Variants in BICD1 observed in about 807,000 individuals in gnomAD.
BICD1 encodes the protein protein bicaudal D homolog 1.
BICD1 carries 35 observed loss-of-function variants against 92.5 expected under a neutral mutation model. The ratio of observed to expected loss-of-function variants is 0.38; its 90% confidence interval spans 0.29 to 0.50. The LOEUF (loss-of-function observed/expected upper bound fraction) is 0.50, where lower values mean the gene tolerates loss of function less well. BICD1 is among the 20% of genes least tolerant of loss of function. BICD1 has a pLI of 0.93. For missense variants in BICD1, 950 were observed against 1,189.8 expected, an observed-to-expected ratio of 0.80 and a Z score of 2.97; for synonymous variants, 429 against 465.1, an observed-to-expected ratio of 0.92 and a Z score of 1.00.
intron 1 of BICD1, among the ~76,000 whole-genome samples, chr12:32,178,463 G>C (rs1824449970): frequency 6.6e-6 from 1 of 151,778 alleles, no homozygotes; most frequent in African/African-American, 2.4e-5. Flanking sequence ...AGCTGAACAG[G>C]CTCGGCCCCA....
chr12:32,179,781 A>G (rs960571480), intron 1 of BICD1, among the ~76,000 whole-genome samples: 1 of 151,836 alleles, frequency 6.6e-6, no homozygotes. Flanking sequence ...ACTTGAGGTC[A>G]GGAGTTTGAG....
intron 2 of BICD1, among the ~76,000 whole-genome samples, chr12:32,246,276 G>A (rs7295546): frequency 0.21 from 27,259 of 130,036 alleles, 4,180 homozygotes; most frequent in African/African-American, 0.43. Flanking sequence ...GGGAGTTTGA[G>A]AACAGCCTGG....
chr12:32,326,384 G>A (rs1948778792), intron 4 of BICD1, among the ~76,000 whole-genome samples: 1 of 152,010 alleles, frequency 6.6e-6, no homozygotes, highest in African/African-American at 2.4e-5. Flanking sequence ...TTTCCACATT[G>A]CAATTTCTTA....
intron 8 of BICD1, chr12:32,340,553 A>G: frequency 1.1e-6 from 1 of 897,182 alleles, no homozygotes; most frequent in Non-Finnish European, 1.3e-6. Flanking sequence ...TTGCTGTTTA[A>G]TTAAAAAGAT....
At chr12:32,282,252 A>C (rs1271273936) in intron 2 of BICD1, among the ~76,000 whole-genome samples, 6 of 113,624 alleles carry the variant, frequency 5.3e-5, no homozygotes, top group Admixed American at 1.2e-4. Flanking sequence ...ACAGGGTCTC[A>C]CTCTGTTGCC....
chr12:32,186,054 G>A lies in BICD1; in HGVS notation c.214-30193G>A, dbSNP rs142476203. On this transcript the variant is annotated intron_variant, in intron 1 of 9. Coordinates refer to ENST00000652176, the MANE Select transcript of BICD1 (RefSeq NM_001714.4). Reference sequence around the variant, plus strand: ...CTTGAGCCTGTCTCTCCAAATTGCTGCATAGAGGCAATGTTTCCAGGAGAA... The same window carrying A: ...CTTGAGCCTGTCTCTCCAAATTGCTACATAGAGGCAATGTTTCCAGGAGAA... Among the ~76,000 whole-genome samples the A allele has an allele frequency of 6.0e-3, 909 of 152,334 alleles. 11 individuals are homozygous for A. Among genetic ancestry groups the A allele is most frequent in the African/African-American group, 0.021 (864 of 41,578 alleles).
At chr12:32,214,105 A>T (rs892171298) in intron 1 of BICD1, among the ~76,000 whole-genome samples, 1 of 152,178 alleles carries the variant, frequency 6.6e-6, no homozygotes, top group African/African-American at 2.4e-5. Flanking sequence ...AAAATATCTC[A>T]GATTTGGCCA....
chr12:32,202,831 G>A (rs1299854493), intron 1 of BICD1, among the ~76,000 whole-genome samples: 1 of 152,136 alleles, frequency 6.6e-6, no homozygotes, highest in East Asian at 1.9e-4. Flanking sequence ...GGCTGGTCTT[G>A]AACACCTGGG....
At chr12:32,275,105 TAC>T (rs1947241870) in intron 2 of BICD1, among the ~76,000 whole-genome samples, 1 of 152,190 alleles carries the variant, frequency 6.6e-6, no homozygotes, top group Non-Finnish European at 1.5e-5. Flanking sequence ...ATATGATATA[TAC>T]ACACACTCAT....
chr12:32,278,612 C>T (rs1224873157), intron 2 of BICD1, among the ~76,000 whole-genome samples: 1 of 152,132 alleles, frequency 6.6e-6, no homozygotes, highest in South Asian at 2.1e-4. Flanking sequence ...CCAGCACTTT[C>T]GGAGGCCGCG....
chr12:32,130,808 A>G (rs927125253), intron 1 of BICD1, among the ~76,000 whole-genome samples: 2 of 152,108 alleles, frequency 1.3e-5, no homozygotes, highest in South Asian at 2.1e-4. Flanking sequence ...CCAGGCTTCT[A>G]TATAGTTAAA....
chr12:32,222,628 T>G (rs1196251777), intron 2 of BICD1, among the ~76,000 whole-genome samples: 1 of 152,184 alleles, frequency 6.6e-6, no homozygotes, highest in Admixed American at 6.5e-5. Flanking sequence ...ATATGAAGTT[T>G]TAATACGATA....
chr12:32,202,054 A>G (rs1944919046), intron 1 of BICD1, among the ~76,000 whole-genome samples: 1 of 152,230 alleles, frequency 6.6e-6, no homozygotes, highest in Non-Finnish European at 1.5e-5. Flanking sequence ...CTGATCATAT[A>G]TAATACTTAT....
chr12:32,300,505 T>G (rs948403826), intron 3 of BICD1, among the ~76,000 whole-genome samples: 5 of 151,994 alleles, frequency 3.3e-5, no homozygotes, highest in Non-Finnish European at 5.9e-5. Flanking sequence ...TCTGCAAATA[T>G]AAGCTTATCA....
chr12:32,257,206 T>A (rs1239399), intron 2 of BICD1, among the ~76,000 whole-genome samples: 1 of 133,474 alleles, frequency 7.5e-6, no homozygotes. Context: ...AGGGAGACTC[T>A]GTCTCAAAAA....
chr12:32,288,718 T>C (rs1947646620), intron 2 of BICD1, among the ~76,000 whole-genome samples: 1 of 151,824 alleles, frequency 6.6e-6, no homozygotes, highest in African/African-American at 2.4e-5. Flanking sequence ...ATACAAAAAT[T>C]AGCCAGGTGT....
chr12:32,308,491 C>T (rs1386476719), intron 4 of BICD1, among the ~76,000 whole-genome samples: 1 of 152,166 alleles, frequency 6.6e-6, no homozygotes, highest in Non-Finnish European at 1.5e-5. Context: ...GACTAGTGCA[C>T]AGTAAATGCT....
chr12:32,323,617 T>A (rs187897846), intron 4 of BICD1, among the ~76,000 whole-genome samples: 1 of 152,356 alleles, frequency 6.6e-6, no homozygotes, highest in East Asian at 1.9e-4. Context: ...ATTTGTGGGT[T>A]GCTTTCCTTT....
chr12:32,250,116 C>T (rs535808065), intron 2 of BICD1, among the ~76,000 whole-genome samples: 4 of 152,166 alleles, frequency 2.6e-5, no homozygotes, highest in South Asian at 2.1e-4. Flanking sequence ...TCCTACACCA[C>T]GTTCATCACA....
Sources: allele counts gnomAD v4.1 joint callset (sites outside exome capture counted in the v4.1 genomes callset), GRCh38; gene constraint gnomAD v4.1.1; transcripts MANE v1.5; gene names NCBI Gene and HGNC (gene_info 2026-07-23, HGNC 2026-07-21).